The following PINX1 variants were observed in gnomAD, a reference collection of about 807,000 sequenced individuals.
PINX1 encodes the protein PIN2/TERF1-interacting telomerase inhibitor 1.
Under a neutral mutation model 25.4 loss-of-function variants are expected in PINX1, and 34 were observed. That is an observed-to-expected ratio of 1.34 (90% CI 1.02 to 1.78). The LOEUF (loss-of-function observed/expected upper bound fraction) is 1.78, where lower values mean the gene tolerates loss of function less well. Among genes scored for constraint, PINX1 ranks in the 40% most tolerant of loss-of-function variants. The pLI is 0.00. For missense variants in PINX1, 592 were observed against 404.9 expected (o/e 1.46, Z -3.97); for synonymous variants, 197 against 147.7 (o/e 1.33, Z -2.42).
chr8:10,789,487 A>C (rs1036431778), intron 6 of PINX1, among the ~76,000 whole-genome samples: 18 of 152,204 alleles, frequency 1.2e-4, no homozygotes, highest in Admixed American at 9.8e-4. Context: ...GTGTGTTCTT[A>C]TTAACTGTGG....
chr8:10,793,238 T>A (rs2409661), intron 6 of PINX1, among the ~76,000 whole-genome samples: 1 of 152,160 alleles, frequency 6.6e-6, no homozygotes, highest in Non-Finnish European at 1.5e-5. Context: ...AAGCATATTA[T>A]CTACATAATG....
chr8:10,775,414 T>TGG (rs1801359312), intron 6 of PINX1, among the ~76,000 whole-genome samples: 11 of 91,764 alleles, frequency 1.2e-4, no homozygotes, highest in South Asian at 3.5e-4. Context: ...TTTGTGGTTT[T>TGG]TTTTTTTTTT....
chr8:10,799,808 G>T (rs931218636), intron 6 of PINX1, among the ~76,000 whole-genome samples: 1 of 152,210 alleles, frequency 6.6e-6, no homozygotes, highest in African/African-American at 2.4e-5. Flanking sequence ...CTAGAACATG[G>T]ATGCTGGGAA....
chr8:10,825,266 C>A (rs1586200631), intron 5 of PINX1: 1 of 514,642 alleles, frequency 1.9e-6, no homozygotes, highest in Admixed American at 2.0e-5. Flanking sequence ...TGCCCTGATA[C>A]GCATGACATT....
chr8:10,839,837 G>C lies in PINX1; in HGVS notation c.-81C>G. On this transcript the variant is annotated 5_prime_UTR_variant, in exon 1 of 7. Transcript: ENST00000314787. The stretch of plus-strand genomic sequence containing the variant: ...CGGGCTGGAGACTCCAGGAGAATCA[G>C]GACGTGCGTAACTCCCTCGCCGGCG... The C allele has an allele frequency of 2.2e-6, 3 of 1,385,106 alleles. No individual in the cohort carries two copies. Among genetic ancestry groups the C allele is most frequent in the Admixed American group, 4.2e-5 (2 of 47,756 alleles). The allele number at this position is 1,385,106 out of a possible 1,614,324, so 85.8% of individuals were successfully genotyped here. A position where few individuals can be genotyped will look rare whatever the true frequency, so the allele number is the denominator to read the frequency against.
At chr8:10,825,173 C>T (rs1797998000) in intron 5 of PINX1, among the ~76,000 whole-genome samples, 2 of 152,222 alleles carry the variant, frequency 1.3e-5, no homozygotes, top group African/African-American at 4.8e-5. Context: ...AAATGAAAAG[C>T]ATCATCAATA....
chr8:10,785,305 G>C (rs1027827160), intron 6 of PINX1, among the ~76,000 whole-genome samples: 5 of 152,148 alleles, frequency 3.3e-5, no homozygotes, highest in African/African-American at 1.2e-4. Context: ...TGGAAGGATT[G>C]GCGTAGCAAG....
intron 1 of PINX1, among the ~76,000 whole-genome samples, chr8:10,835,492 T>C (rs1159127402): frequency 6.6e-6 from 1 of 152,228 alleles, no homozygotes; most frequent in Non-Finnish European, 1.5e-5. Context: ...ACATGTGACC[T>C]ACAGATAATA....
At chr8:10,808,411 G>A (rs1033868192) in intron 6 of PINX1, among the ~76,000 whole-genome samples, 4 of 152,134 alleles carry the variant, frequency 2.6e-5, no homozygotes, top group Non-Finnish European at 5.9e-5. Flanking sequence ...GCTGTTTGGC[G>A]GAGCTTAATT....
At position 10,831,792 on chromosome 8, in the gene PINX1, CACTG is replaced by C. The variant is rs543054510; in HGVS notation, c.223-53_223-50del. ...GAGAGGTAAGCCTGTAGTTTACTTACACTGACTGAGATGATACATTTTGGAATCA... is the reference window on the plus strand; with the variant it reads ...GAGAGGTAAGCCTGTAGTTTACTTACACTGAGATGATACATTTTGGAATCA... On this transcript the variant is annotated intron_variant, in intron 3 of 6. Transcript: ENST00000314787. 4,259 of 1,032,466 alleles carry C rather than the reference CACTG, an allele frequency of 4.1e-3. 28 individuals are homozygous for C. The highest frequency in any genetic ancestry group is 4.5e-3 in the Non-Finnish European group (3,030 of 671,602). The allele number at this position is 1,032,466 out of a possible 1,614,324, so 64.0% of individuals were successfully genotyped here. A position where few individuals can be genotyped will look rare whatever the true frequency, so the allele number is the denominator to read the frequency against.
intron 6 of PINX1, among the ~76,000 whole-genome samples, chr8:10,782,510 C>T (rs967196451): frequency 6.6e-6 from 1 of 151,734 alleles, no homozygotes. Context: ...CCAAGGCAGG[C>T]GGATCATCTG....
intron 6 of PINX1, among the ~76,000 whole-genome samples, chr8:10,808,030 A>G (rs892848896): frequency 1.1e-4 from 17 of 152,382 alleles, no homozygotes; most frequent in African/African-American, 4.1e-4. Context: ...TCACACAGAT[A>G]TACAGAATGC....
chr8:10,814,807 G>A (rs1010207588), intron 6 of PINX1, among the ~76,000 whole-genome samples: 41 of 152,142 alleles, frequency 2.7e-4, no homozygotes, highest in African/African-American at 9.2e-4. Context: ...TCCCTACCAC[G>A]TGCCAAGCAC....
chr8:10,779,204 G>C (rs1472424538), intron 6 of PINX1, among the ~76,000 whole-genome samples: 7 of 152,224 alleles, frequency 4.6e-5, no homozygotes, highest in Non-Finnish European at 4.4e-5. Flanking sequence ...TGCAGAGTCT[G>C]ACAGTGAGAT....
intron 6 of PINX1, among the ~76,000 whole-genome samples, chr8:10,788,917 T>A (rs1422367785): frequency 7.1e-6 from 1 of 140,392 alleles, no homozygotes; most frequent in African/African-American, 2.7e-5. Flanking sequence ...TTCCTCTCCC[T>A]GGCAAAACAG....
intron 4 of PINX1, among the ~76,000 whole-genome samples, chr8:10,828,065 C>A (rs942244586): frequency 3.9e-5 from 6 of 152,126 alleles, no homozygotes; most frequent in Non-Finnish European, 8.8e-5. Flanking sequence ...CCAGGAGTCA[C>A]TTATTTCAAA....
intron 6 of PINX1, among the ~76,000 whole-genome samples, chr8:10,794,410 A>C (rs568389606): frequency 6.6e-6 from 1 of 152,190 alleles, no homozygotes; most frequent in Non-Finnish European, 1.5e-5. Flanking sequence ...TACAAAGTAA[A>C]AAGGAGCAAA....
At chr8:10,782,020 G>A (rs1353142550) in intron 6 of PINX1, among the ~76,000 whole-genome samples, 2 of 152,178 alleles carry the variant, frequency 1.3e-5, no homozygotes, top group Non-Finnish European at 2.9e-5. Context: ...TAAAAAGGAG[G>A]AGATCCAGCC....
chr8:10,780,617 A>C (rs1801556590), intron 6 of PINX1, among the ~76,000 whole-genome samples: 1 of 142,466 alleles, frequency 7.0e-6, no homozygotes, highest in East Asian at 2.0e-4. Flanking sequence ...TGGTACCATC[A>C]AAAAAAAAAA....
Sources: gnomAD v4.1 joint callset for allele counts (sites outside exome capture counted in the v4.1 genomes callset) on GRCh38, gnomAD v4.1.1 for gene constraint, MANE v1.5 for transcripts, NCBI Gene and HGNC (gene_info 2026-07-23, HGNC 2026-07-21) for gene names.